Variants in FILIP1L observed in about 807,000 individuals in gnomAD.
The protein encoded by FILIP1L is filamin A-interacting protein 1-like.
Under a neutral mutation model 96.6 loss-of-function variants are expected in FILIP1L, and 55 were observed. The ratio of observed to expected loss-of-function variants is 0.57; its 90% CI spans 0.46 to 0.71. The LOEUF (loss-of-function observed/expected upper bound fraction) is 0.71. FILIP1L is among the 30% of genes least tolerant of loss of function. The pLI, the probability that FILIP1L is intolerant of heterozygous loss-of-function variation, is 0.00. For synonymous variants in FILIP1L, 467 were observed against 473.9 expected (o/e 0.99, Z 0.19); for missense variants, 1,304 against 1,321.2 (o/e 0.99, Z 0.20).
intron 1 of FILIP1L, among the ~76,000 whole-genome samples, chr3:100,101,623 TG>T (rs2066306771): frequency 6.6e-6 from 1 of 152,170 alleles, no homozygotes; most frequent in South Asian, 2.1e-4. Flanking sequence ...TGTTTGTTTT[TG>T]TTTTTTTAAT....
intron 1 of FILIP1L, among the ~76,000 whole-genome samples, chr3:100,108,226 G>T (rs985582384): frequency 1.4e-4 from 22 of 152,138 alleles, no homozygotes; most frequent in African/African-American, 5.3e-4. Context: ...ACTAGGTCTT[G>T]TAGCATTTTT....
At position 99,845,428 on chromosome 3, in the gene FILIP1L, A is replaced by T. The variant is rs568015453; in HGVS notation, c.3381+2867T>A. Among the ~76,000 whole-genome samples the T allele has an allele frequency of 8.8e-4, 134 of 152,262 alleles. 2 individuals are homozygous for T. The highest frequency in any genetic ancestry group is 1.3e-4 in the Non-Finnish European group (9 of 68,018). On this transcript the variant is annotated intron_variant, in intron 5 of 5. Coordinates refer to ENST00000477258, the MANE Select transcript of FILIP1L (RefSeq NM_001387850.1). ...AGAATGGTATGAGTTTTTCAGAGAG[A>T]CGAAAAAACAGTCTATCTTCTGTGA...
At chr3:100,014,905 T>TC (rs1710292569) in intron 1 of FILIP1L, among the ~76,000 whole-genome samples, 1 of 143,218 alleles carries the variant, frequency 7.0e-6, no homozygotes, top group East Asian at 2.0e-4. Flanking sequence ...CTTTTTTTTT[T>TC]TTTTTTTTTT....
At chr3:100,050,554 CAG>C (rs1314627150) in intron 1 of FILIP1L, among the ~76,000 whole-genome samples, 2 of 152,102 alleles carry the variant, frequency 1.3e-5, no homozygotes, top group Admixed American at 6.5e-5. Flanking sequence ...TGTTTTGAGA[CAG>C]AGTCTCGCTC....
intron 4 of FILIP1L, among the ~76,000 whole-genome samples, chr3:99,875,583 A>G (rs565157065): frequency 2.6e-4 from 39 of 152,326 alleles, no homozygotes; most frequent in Non-Finnish European, 5.6e-4. Flanking sequence ...GATTCGTCTT[A>G]ATTCCAAGAT....
intron 1 of FILIP1L, among the ~76,000 whole-genome samples, chr3:100,097,818 A>G (rs2066237115): frequency 6.6e-6 from 1 of 152,202 alleles, no homozygotes; most frequent in Non-Finnish European, 1.5e-5. Context: ...CCATTTCAAC[A>G]AAATACTCAG....
intron 1 of FILIP1L, among the ~76,000 whole-genome samples, chr3:100,093,832 C>A (rs1193592590): frequency 6.6e-6 from 1 of 152,128 alleles, no homozygotes; most frequent in Non-Finnish European, 1.5e-5. Context: ...ATTTTTTTCA[C>A]TTATCACATA....
chr3:99,977,430 G>C (rs115076447), intron 1 of FILIP1L, among the ~76,000 whole-genome samples: 1,927 of 152,196 alleles, frequency 0.013, 27 homozygotes, highest in Non-Finnish European at 0.016. Context: ...AGGTATGCTG[G>C]GGGCCTATGG....
intron 4 of FILIP1L, among the ~76,000 whole-genome samples, chr3:99,910,952 GTCT>G (rs1706768667): frequency 6.6e-6 from 1 of 152,172 alleles, no homozygotes; most frequent in Non-Finnish European, 1.5e-5. Context: ...AGACTGGCCT[GTCT>G]TCTTGGCAGA....
intron 4 of FILIP1L, among the ~76,000 whole-genome samples, chr3:99,864,270 CATT>C (rs1318050681): frequency 1.3e-5 from 2 of 152,052 alleles, no homozygotes; most frequent in African/African-American, 4.8e-5. Context: ...GCAAGGCCAT[CATT>C]ATGGTGGCCC....
chr3:99,856,051 T>C (rs906275780), intron 4 of FILIP1L, among the ~76,000 whole-genome samples: 1 of 152,228 alleles, frequency 6.6e-6, no homozygotes, highest in Admixed American at 6.5e-5. Flanking sequence ...AACAAGGCAC[T>C]GCTCCATCCA....
chr3:99,872,319 G>A (rs995796457), intron 4 of FILIP1L, among the ~76,000 whole-genome samples: 2 of 148,912 alleles, frequency 1.3e-5, no homozygotes, highest in African/African-American at 5.0e-5. Flanking sequence ...GTGTGTGTGT[G>A]TGTGACTGTG....
At chr3:100,021,991 G>T (rs971421653) in intron 1 of FILIP1L, among the ~76,000 whole-genome samples, 6 of 147,932 alleles carry the variant, frequency 4.1e-5, no homozygotes, top group African/African-American at 1.3e-4. Flanking sequence ...GAGAGAGAGA[G>T]AGATATGAGG....
chr3:100,036,139 G>A (rs1576659802), intron 1 of FILIP1L, among the ~76,000 whole-genome samples: 1 of 152,132 alleles, frequency 6.6e-6, no homozygotes, highest in Non-Finnish European at 1.5e-5. Flanking sequence ...TCCACTTTTA[G>A]GAAGGTCTTC....
At chr3:99,935,572 G>T (rs1170370831) in intron 1 of FILIP1L, among the ~76,000 whole-genome samples, 1 of 152,216 alleles carries the variant, frequency 6.6e-6, no homozygotes, top group Non-Finnish European at 1.5e-5. Flanking sequence ...GATCACTCAG[G>T]CTGGAACAAG....
intron 1 of FILIP1L, among the ~76,000 whole-genome samples, chr3:99,989,373 C>T (rs1036638559): frequency 2.0e-5 from 3 of 152,070 alleles, no homozygotes; most frequent in Non-Finnish European, 4.4e-5. Context: ...AGGAAAATCC[C>T]CCAGACAAGA....
At chr3:100,022,138 A>G (rs919849865) in intron 1 of FILIP1L, among the ~76,000 whole-genome samples, 7 of 152,206 alleles carry the variant, frequency 4.6e-5, no homozygotes, top group Non-Finnish European at 8.8e-5. Context: ...AAGCCCTTGG[A>G]AAAGAAATGA....
intron 4 of FILIP1L, among the ~76,000 whole-genome samples, chr3:99,884,094 T>C (rs1343208093): frequency 6.6e-6 from 1 of 152,286 alleles, no homozygotes; most frequent in Non-Finnish European, 1.5e-5. Flanking sequence ...ATTATCTAGT[T>C]AGCAGCCCTT....
intron 5 of FILIP1L, among the ~76,000 whole-genome samples, chr3:99,839,343 T>G (rs897382514): frequency 2.0e-5 from 3 of 152,220 alleles, no homozygotes; most frequent in African/African-American, 7.2e-5. Context: ...TATTGCATGC[T>G]TCATAAATAT....
Sources: allele counts gnomAD v4.1 joint callset (sites outside exome capture counted in the v4.1 genomes callset), GRCh38; gene constraint gnomAD v4.1.1; transcripts MANE v1.5; gene names NCBI Gene and HGNC (gene_info 2026-07-23, HGNC 2026-07-21).